The following NRAP variants were observed in gnomAD, a reference collection of about 807,000 sequenced individuals.
NRAP encodes nebulin related anchoring protein.
Under a neutral mutation model 225.9 loss-of-function variants are expected in NRAP, and 189 were observed. The ratio of observed to expected loss-of-function variants is 0.84; its 90% CI spans 0.74 to 0.94. NRAP has a LOEUF of 0.94. NRAP is among the 40% of genes least tolerant of loss of function. NRAP has a pLI of 0.00. For missense variants in NRAP, 2,176 were observed against 2,168.7 expected (o/e 1.00, Z -0.07); for synonymous variants, 769 against 790.7 (o/e 0.97, Z 0.46).
chr10:113,593,773 G>A (rs60461535), intron 38 of NRAP, among the ~76,000 whole-genome samples: 27,928 of 152,150 alleles, frequency 0.18, 3,072 homozygotes, highest in East Asian at 0.35. Flanking sequence ...TCTCTCTAAG[G>A]GGCACACCAT....
At chr10:113,634,499 C>A (rs1291798670) in intron 14 of NRAP, among the ~76,000 whole-genome samples, 1 of 152,156 alleles carries the variant, frequency 6.6e-6, no homozygotes, top group African/African-American at 2.4e-5. Flanking sequence ...ATACCAAAAC[C>A]ACAAGATACC....
chr10:113,627,804 C>G (rs931241728), intron 20 of NRAP, among the ~76,000 whole-genome samples: 12 of 152,194 alleles, frequency 7.9e-5, no homozygotes, highest in African/African-American at 2.9e-4. Flanking sequence ...CTTTCTTTAT[C>G]TGTAAAATGG....
In NRAP at chr10:113,636,936, G is replaced by A. The variant is rs1201634062; in HGVS notation, c.1429-2726C>T. On this transcript the variant is annotated intron_variant, in intron 14 of 41. Transcript: ENST00000359988. ...GCAGGAGAATCGCTTAAATGTGGGA[G>A]GTGGAGGATGCAGTGAGCCACGATC... Among the ~76,000 whole-genome samples, 3 of 150,496 alleles carry A rather than the reference G, an allele frequency of 2.0e-5. No homozygotes were observed. The East Asian group carries it at 5.9e-4, about 30-fold the overall frequency.
intron 24 of NRAP, among the ~76,000 whole-genome samples, chr10:113,621,212 A>G (rs1847967730): frequency 6.6e-6 from 1 of 152,172 alleles, no homozygotes; most frequent in African/African-American, 2.4e-5. Context: ...TTTAGTTGCC[A>G]TTGAATGAGT....
At chr10:113,640,352 G>C in intron 13 of NRAP, 21 bp from the exon 14 acceptor site, 1 of 1,314,492 alleles carries the variant, frequency 7.6e-7, no homozygotes, top group Non-Finnish European at 1.1e-6. Context: ...AAGAAAAGAA[G>C]AAGAATGGAG....
At chr10:113,593,047 C>T (rs1028115148) in intron 38 of NRAP, among the ~76,000 whole-genome samples, 1 of 152,058 alleles carries the variant, frequency 6.6e-6, no homozygotes, top group Non-Finnish European at 1.5e-5. Context: ...CTTCATGTAG[C>T]TAATATTTTT....
chr10:113,641,626 C>CT (rs946454419), intron 12 of NRAP, among the ~76,000 whole-genome samples, 154 bp from the exon 13 acceptor site: 1 of 152,026 alleles, frequency 6.6e-6, no homozygotes, highest in Non-Finnish European at 1.5e-5. Flanking sequence ...ATAAGGCAAA[C>CT]TTTTTTTTAA....
At chr10:113,660,003 TTTAC>T (rs1449092256) in intron 3 of NRAP, among the ~76,000 whole-genome samples, 1 of 151,364 alleles carries the variant, frequency 6.6e-6, no homozygotes, top group Non-Finnish European at 1.5e-5. Context: ...GGTTGTCCGT[TTTAC>T]TTTGTCCCTG....
intron 32 of NRAP, among the ~76,000 whole-genome samples, chr10:113,607,202 A>AACAC (rs1847026220): frequency 6.8e-6 from 1 of 147,556 alleles, no homozygotes; most frequent in Admixed American, 6.9e-5. Context: ...CTCTGTCTCA[A>AACAC]ACAAACAAAC....
At chr10:113,638,892 G>A (rs958465554) in intron 14 of NRAP, among the ~76,000 whole-genome samples, 15 of 152,016 alleles carry the variant, frequency 9.9e-5, no homozygotes, top group Admixed American at 3.3e-4. Context: ...AGACTTCCCC[G>A]GGTGGGCTTC....
intron 22 of NRAP, among the ~76,000 whole-genome samples, chr10:113,624,318 C>A (rs1396209121): frequency 1.3e-5 from 2 of 152,192 alleles, no homozygotes; most frequent in African/African-American, 4.8e-5. Context: ...TCATGACTAA[C>A]AGCTACCACT....
intron 36 of NRAP, 63 bp downstream of exon 36, chr10:113,597,905 TC>T (rs1846373762): frequency 1.7e-6 from 2 of 1,175,500 alleles, no homozygotes. Flanking sequence ...ATAAACAGAT[TC>T]CCTCTTCAAA....
At chr10:113,609,636 G>A (rs549985379) in intron 31 of NRAP, among the ~76,000 whole-genome samples, 3 of 152,314 alleles carry the variant, frequency 2.0e-5, no homozygotes, top group South Asian at 2.1e-4. Flanking sequence ...GAAAAGCACA[G>A]TGCTTAGATT....
At chr10:113,600,364 G>T (rs1218000593) in intron 35 of NRAP, among the ~76,000 whole-genome samples, 1 of 152,002 alleles carries the variant, frequency 6.6e-6, no homozygotes, top group East Asian at 1.9e-4. Context: ...TATTTTTGTA[G>T]AGATGGAGTC....
intron 16 of NRAP, among the ~76,000 whole-genome samples, chr10:113,632,219 T>C (rs1391862248): frequency 2.6e-5 from 4 of 152,368 alleles, no homozygotes; most frequent in African/African-American, 4.8e-5. Context: ...TTTCTGATCA[T>C]GTGACCTTGG....
At chr10:113,618,017 G>C (rs1369050457) in intron 25 of NRAP, among the ~76,000 whole-genome samples, 1 of 152,094 alleles carries the variant, frequency 6.6e-6, no homozygotes, top group African/African-American at 2.4e-5. Context: ...CAGCCCGCGA[G>C]CGTATGCCGT....
chr10:113,594,846 G>T (rs1425642358), intron 38 of NRAP, among the ~76,000 whole-genome samples: 1 of 152,202 alleles, frequency 6.6e-6, no homozygotes, highest in African/African-American at 2.4e-5. Context: ...GGAGCCCCAG[G>T]ACACAATGGC....
intron 35 of NRAP, among the ~76,000 whole-genome samples, chr10:113,598,379 C>T (rs932064892): frequency 6.6e-6 from 1 of 151,180 alleles, no homozygotes; most frequent in Admixed American, 6.6e-5. Context: ...GATATATGCT[C>T]ATATCTAAGC....
chr10:113,645,220 T>C (rs1849430195), intron 11 of NRAP, among the ~76,000 whole-genome samples: 2 of 152,236 alleles, frequency 1.3e-5, no homozygotes, highest in South Asian at 4.2e-4. Context: ...CAGTATTCTT[T>C]CTGGCAACTA....
Sources: gnomAD v4.1 joint callset for allele counts (sites outside exome capture counted in the v4.1 genomes callset) on GRCh38, gnomAD v4.1.1 for gene constraint, MANE v1.5 for transcripts, NCBI Gene and HGNC (gene_info 2026-07-23, HGNC 2026-07-21) for gene names.